SOX6: variants seen among roughly 807,000 people sequenced by gnomAD.
SOX6 encodes transcription factor SOX-6.
Under a neutral mutation model 97.8 loss-of-function variants are expected in SOX6, and 11 were observed. That is an observed-to-expected ratio of 0.11 (90% CI 0.07 to 0.19). The LOEUF (loss-of-function observed/expected upper bound fraction) is 0.19, where lower values mean the gene tolerates loss of function less well. Ranked by LOEUF, SOX6 falls within the 10% of genes least tolerant of loss-of-function variation. SOX6 has a pLI of 1.00. For synonymous variants in SOX6, 360 were observed against 371.4 expected (o/e 0.97, Z 0.35); for missense variants, 810 against 1,039.5 (o/e 0.78, Z 3.04).
At chr11:16,408,477 A>G (rs914141307) in intron 1 of SOX6, among the ~76,000 whole-genome samples, 2 of 152,170 alleles carry the variant, frequency 1.3e-5, no homozygotes, top group African/African-American at 4.8e-5. Context: ...CATCTGGTAC[A>G]TAGTATGTGC....
intron 2 of SOX6, among the ~76,000 whole-genome samples, chr11:16,324,186 AAAAC>A (rs991365535): frequency 1.3e-5 from 2 of 152,042 alleles, no homozygotes; most frequent in African/African-American, 4.8e-5. Flanking sequence ...TCTGTCTCTC[AAAAC>A]AAACAAACAA....
At chr11:16,288,255 C>T (rs150590151) in intron 3 of SOX6, among the ~76,000 whole-genome samples, 8 of 151,802 alleles carry the variant, frequency 5.3e-5, no homozygotes, top group Admixed American at 3.3e-4. Context: ...TATGCTAAGG[C>T]CTGGTCTTTC....
At chr11:16,346,377 A>G (rs1056834231) in intron 1 of SOX6, among the ~76,000 whole-genome samples, 1 of 151,990 alleles carries the variant, frequency 6.6e-6, no homozygotes, top group African/African-American at 2.4e-5. Context: ...CTCTTCTTCT[A>G]TCTCTAATTT....
At chr11:16,611,194 TC>T (rs1028684677) in intron 4 of SOX6, among the ~76,000 whole-genome samples, 4 of 151,872 alleles carry the variant, frequency 2.6e-5, no homozygotes, top group Non-Finnish European at 4.4e-5. Flanking sequence ...TGGAGAGAGG[TC>T]CCCCTGAACT....
At chr11:16,603,379 G>A (rs908505521) in intron 4 of SOX6, among the ~76,000 whole-genome samples, 1 of 152,202 alleles carries the variant, frequency 6.6e-6, no homozygotes, top group Admixed American at 6.5e-5. Flanking sequence ...AGAACCCCAG[G>A]CTGAACCAGA....
At chr11:16,712,636 T>C (rs575736413) in intron 3 of SOX6, among the ~76,000 whole-genome samples, 45 of 152,308 alleles carry the variant, frequency 3.0e-4, no homozygotes, top group Non-Finnish European at 5.9e-4. Flanking sequence ...CTGTTCCCTT[T>C]ACCTAAAACA....
chr11:16,190,233 G>C (rs1415159295), intron 4 of SOX6, among the ~76,000 whole-genome samples: 1 of 152,102 alleles, frequency 6.6e-6, no homozygotes, highest in Non-Finnish European at 1.5e-5. Context: ...CGTTTAAGAA[G>C]AAAATGCAGA....
At chr11:16,260,921 C>T (rs1853869382) in intron 3 of SOX6, among the ~76,000 whole-genome samples, 1 of 152,134 alleles carries the variant, frequency 6.6e-6, no homozygotes, top group African/African-American at 2.4e-5. Context: ...TTTAAATTCC[C>T]CCAAAGCACC....
chr11:16,489,408 G>T (rs1301626704), intron 4 of SOX6, among the ~76,000 whole-genome samples: 1 of 151,978 alleles, frequency 6.6e-6, no homozygotes, highest in Non-Finnish European at 1.5e-5. Context: ...CACTCACTAG[G>T]CATAATATTA....
intron 9 of SOX6, among the ~76,000 whole-genome samples, chr11:16,074,839 T>C (rs1156482589): frequency 2.6e-5 from 4 of 152,168 alleles, no homozygotes; most frequent in Non-Finnish European, 5.9e-5. Context: ...AAACTATCAA[T>C]GACATTCTTC....
intron 3 of SOX6, among the ~76,000 whole-genome samples, chr11:16,283,236 T>C (rs1854631506): frequency 6.7e-6 from 1 of 149,854 alleles, no homozygotes; most frequent in Admixed American, 6.6e-5. Flanking sequence ...ACTCAAATAG[T>C]ATTCATGCAA....
At chr11:16,451,325 T>A (rs1859712237) in intron 1 of SOX6, among the ~76,000 whole-genome samples, 1 of 152,094 alleles carries the variant, frequency 6.6e-6, no homozygotes, top group African/African-American at 2.4e-5. Flanking sequence ...ATATAAGGGA[T>A]CAAGACTCAT....
At chr11:16,420,909 T>G (rs17470471) in intron 1 of SOX6, among the ~76,000 whole-genome samples, 2,299 of 152,272 alleles carry the variant, frequency 0.015, 27 homozygotes, top group Non-Finnish European at 0.025. Flanking sequence ...TCAGCAGCAT[T>G]TAGCAGATTC....
At chr11:16,572,896 A>G (rs1847951337) in intron 4 of SOX6, among the ~76,000 whole-genome samples, 1 of 152,226 alleles carries the variant, frequency 6.6e-6, no homozygotes, top group Non-Finnish European at 1.5e-5. Flanking sequence ...AAACAAGCAG[A>G]GATAAAGCAG....
intron 3 of SOX6, among the ~76,000 whole-genome samples, chr11:16,274,849 G>A (rs940459296): frequency 6.6e-6 from 1 of 151,990 alleles, no homozygotes; most frequent in Non-Finnish European, 1.5e-5. Flanking sequence ...AGGCCTTTTG[G>A]CTTTGTGTAA....
intron 7 of SOX6, among the ~76,000 whole-genome samples, chr11:16,107,428 C>CAT (rs1228706715): frequency 7.0e-6 from 1 of 142,770 alleles, no homozygotes; most frequent in East Asian, 2.0e-4. Flanking sequence ...CATATATATA[C>CAT]ATATATATAC....
At chr11:16,088,503 A>G (rs931206142) in intron 9 of SOX6, among the ~76,000 whole-genome samples, 1 of 152,160 alleles carries the variant, frequency 6.6e-6, no homozygotes, top group African/African-American at 2.4e-5. Context: ...TGATATTTTT[A>G]CTGTCTCCAT....
chr11:15,979,064 T>TATAA (rs1491385664), intron 15 of SOX6, among the ~76,000 whole-genome samples: 2 of 140,458 alleles, frequency 1.4e-5, no homozygotes, highest in African/African-American at 5.2e-5. Context: ...TATATATATA[T>TATAA]AAAACTGCTT....
At chr11:16,415,566 T>A (rs150626393) in intron 1 of SOX6, among the ~76,000 whole-genome samples, 248 of 152,306 alleles carry the variant, frequency 1.6e-3, no homozygotes, top group Admixed American at 2.7e-3. Context: ...TGATTTTGAA[T>A]GTTCTCAAAA....
Sources: allele counts gnomAD v4.1 joint callset (sites outside exome capture counted in the v4.1 genomes callset), GRCh38; gene constraint gnomAD v4.1.1; transcripts MANE v1.5; gene names NCBI Gene and HGNC (gene_info 2026-07-23, HGNC 2026-07-21).